CEP126: variants seen among roughly 807,000 people sequenced by gnomAD.
CEP126 encodes centrosomal protein 126, also known as centrosomal protein of 126 kDa.
CEP126 carries 74 observed loss-of-function variants against 107.8 expected under a neutral mutation model. The observed-to-expected ratio is 0.69, with a 90% CI of 0.57 to 0.83. The LOEUF (loss-of-function observed/expected upper bound fraction) is 0.83. Ranked by LOEUF, CEP126 falls within the 40% of genes least tolerant of loss-of-function variation. The pLI is 0.00. For missense variants in CEP126, 1,237 were observed against 1,281.9 expected (o/e 0.96, Z 0.53); for synonymous variants, 449 against 446.0 (o/e 1.01, Z -0.08).
intron 10 of CEP126, among the ~76,000 whole-genome samples, chr11:101,995,222 A>G (rs1416596440): frequency 1.3e-5 from 2 of 152,142 alleles, no homozygotes. Context: ...ACTTTAGTGT[A>G]CTTTGTACCA....
intron 10 of CEP126, among the ~76,000 whole-genome samples, chr11:101,993,303 G>A (rs750432188): frequency 1.3e-5 from 2 of 152,256 alleles, no homozygotes; most frequent in South Asian, 2.1e-4. Flanking sequence ...AAGTGAGAAC[G>A]TGTGGTATTT....
intron 2 of CEP126, among the ~76,000 whole-genome samples, chr11:101,941,195 A>G (rs915581451): frequency 1.3e-5 from 2 of 152,186 alleles, no homozygotes; most frequent in African/African-American, 4.8e-5. Context: ...TTCAAAGACT[A>G]CATTAAGTAC....
At chr11:101,946,632 G>A (rs889519740) in intron 3 of CEP126, among the ~76,000 whole-genome samples, 7 of 151,992 alleles carry the variant, frequency 4.6e-5, no homozygotes, top group African/African-American at 9.7e-5. Context: ...AGGCTGAGGC[G>A]GGTGGACCAC....
intron 2 of CEP126, among the ~76,000 whole-genome samples, chr11:101,927,261 C>T (rs1226577218): frequency 6.6e-6 from 1 of 152,122 alleles, no homozygotes; most frequent in African/African-American, 2.4e-5. Context: ...GAGATCATGC[C>T]ACAGCACTCC....
intron 4 of CEP126, among the ~76,000 whole-genome samples, chr11:101,957,537 T>A: frequency 6.6e-6 from 1 of 152,226 alleles, no homozygotes; most frequent in East Asian, 1.9e-4. Flanking sequence ...AGGTAGACTC[T>A]ATATTAAGGG....
intron 2 of CEP126, among the ~76,000 whole-genome samples, chr11:101,931,518 A>AAATAATGGTATTTTTCATTTCTAAAATG (rs1940500389): frequency 6.6e-6 from 1 of 152,158 alleles, no homozygotes; most frequent in South Asian, 2.1e-4. Context: ...ATTATTTGTT[A>AAATAATGGTATTTTTCATTTCTAAAATG]AAAATGGTAT....
intron 9 of CEP126, among the ~76,000 whole-genome samples, chr11:101,988,013 GA>G (rs758994811): frequency 3.3e-5 from 5 of 150,580 alleles, no homozygotes; most frequent in East Asian, 2.0e-4. Context: ...AAGGCACCAA[GA>G]AAAAAAATCA....
At chr11:101,973,348 G>A (rs1372099468) in intron 6 of CEP126, among the ~76,000 whole-genome samples, 1 of 152,164 alleles carries the variant, frequency 6.6e-6, no homozygotes, top group Non-Finnish European at 1.5e-5. Flanking sequence ...AAAAAGGAAC[G>A]AGATCATGTC....
At chr11:101,940,588 G>A (rs1940649148) in intron 2 of CEP126, among the ~76,000 whole-genome samples, 7 of 152,190 alleles carry the variant, frequency 4.6e-5, no homozygotes, top group Admixed American at 4.6e-4. Context: ...TTTGCACTCA[G>A]ATTTGTGCTG....
chr11:101,932,295 A>AG (rs1417131289), intron 2 of CEP126, among the ~76,000 whole-genome samples: 2 of 152,148 alleles, frequency 1.3e-5, no homozygotes, highest in Non-Finnish European at 1.5e-5. Context: ...AGGAGTAGAA[A>AG]TGTCTGCTTA....
In CEP126 at chr11:101,997,997, A is replaced by C. The variant is rs1941462610; in HGVS notation, c.*354A>C. The C allele has an allele frequency of 5.4e-6, 1 of 186,166 alleles. No homozygotes were observed. 11.5% of individuals were successfully genotyped at this position (186,166 alleles called of 1,614,324 possible). Reference sequence around the variant, plus strand: ...TTTGCAATTTATAGATTTCATGTTGAAATATATGTTAAATAAAATTTCTGT... The same window carrying C: ...TTTGCAATTTATAGATTTCATGTTGCAATATATGTTAAATAAAATTTCTGT... On this transcript the variant is annotated 3_prime_UTR_variant, in exon 11 of 11. Coordinates refer to ENST00000263468, the MANE Select transcript of CEP126 (RefSeq NM_020802.4).
At chr11:101,954,394 T>C (rs1377551121) in intron 4 of CEP126, among the ~76,000 whole-genome samples, 1 of 152,210 alleles carries the variant, frequency 6.6e-6, no homozygotes, top group Non-Finnish European at 1.5e-5. Flanking sequence ...TGTTCAACAG[T>C]GTGCAGTTGC....
At chr11:101,951,698 G>A (rs926663732) in intron 4 of CEP126, among the ~76,000 whole-genome samples, 4 of 152,106 alleles carry the variant, frequency 2.6e-5, no homozygotes, top group Non-Finnish European at 5.9e-5. Flanking sequence ...AATAAAAAGC[G>A]ACTGATATTT....
chr11:101,941,110 G>A (rs1940657800), intron 2 of CEP126, among the ~76,000 whole-genome samples: 1 of 152,144 alleles, frequency 6.6e-6, no homozygotes, highest in Non-Finnish European at 1.5e-5. Context: ...TAAGCAAGCT[G>A]TGCCTCCTTC....
intron 9 of CEP126, among the ~76,000 whole-genome samples, chr11:101,990,698 A>G (rs971758817): frequency 1.3e-4 from 20 of 152,114 alleles, no homozygotes; most frequent in African/African-American, 4.8e-4. Context: ...CCAAGTAACA[A>G]ATAATAGAAA....
chr11:101,920,605 C>A (rs982305942), intron 1 of CEP126, among the ~76,000 whole-genome samples: 1 of 141,522 alleles, frequency 7.1e-6, no homozygotes, highest in Non-Finnish European at 1.6e-5. Flanking sequence ...ATTCAATGAA[C>A]TTTTTTTTTT....
chr11:101,982,265 T>C (rs1941265228), intron 8 of CEP126, among the ~76,000 whole-genome samples: 1 of 152,210 alleles, frequency 6.6e-6, no homozygotes, highest in South Asian at 2.1e-4. Context: ...ATTTATTGAA[T>C]TAAACTCCAT....
chr11:101,977,709 T>C (rs1355335729), intron 6 of CEP126, among the ~76,000 whole-genome samples: 1 of 149,668 alleles, frequency 6.7e-6, no homozygotes, highest in Non-Finnish European at 1.5e-5. Flanking sequence ...AAATAATAAA[T>C]ATCAAAGATA....
chr11:101,975,072 G>A (rs1366893561), intron 6 of CEP126, among the ~76,000 whole-genome samples: 2 of 152,102 alleles, frequency 1.3e-5, no homozygotes, highest in Non-Finnish European at 2.9e-5. Flanking sequence ...AAGATTTAGA[G>A]GAAGAAAATT....
Sources: gnomAD v4.1 joint callset for allele counts (sites outside exome capture counted in the v4.1 genomes callset) on GRCh38, gnomAD v4.1.1 for gene constraint, MANE v1.5 for transcripts, NCBI Gene and HGNC (gene_info 2026-07-23, HGNC 2026-07-21) for gene names.